RSPRY1: variants seen among roughly 807,000 people sequenced by gnomAD.
RSPRY1 encodes RING finger and SPRY domain-containing protein 1.
In RSPRY1, 23 loss-of-function variants were observed where a neutral mutation model predicts 73.1. The ratio of observed to expected loss-of-function variants is 0.31; its 90% CI spans 0.23 to 0.45. The LOEUF (loss-of-function observed/expected upper bound fraction) is 0.45, where lower values mean the gene tolerates loss of function less well. Ranked by LOEUF, RSPRY1 falls within the 20% of genes least tolerant of loss-of-function variation. RSPRY1 has a pLI of 1.00. For synonymous variants in RSPRY1, 226 were observed against 251.4 expected (o/e 0.90, Z 0.95); for missense variants, 448 against 698.7 (o/e 0.64, Z 4.05).
intron 9 of RSPRY1, among the ~76,000 whole-genome samples, 169 bp from the exon 10 acceptor site, chr16:57,221,103 T>G (rs1217608660): frequency 1.3e-5 from 2 of 152,310 alleles, no homozygotes; most frequent in East Asian, 3.9e-4. Flanking sequence ...CCAAATGCCT[T>G]ATGTAGTTTG....
intron 2 of RSPRY1, 121 bp from the exon 3 acceptor site, chr16:57,207,937 T>C (rs2074757816): frequency 1.5e-6 from 1 of 681,478 alleles, no homozygotes. Flanking sequence ...TCTATCTCTT[T>C]CCTTACATTT....
chr16:57,230,769 T>C lies in RSPRY1; in HGVS notation c.1332T>C (p.Asn444=). 1 of 1,612,570 alleles carries C rather than the reference T, an allele frequency of 6.2e-7. No homozygotes were observed. The highest frequency in any genetic ancestry group is 1.1e-5 in the South Asian group (1 of 91,050). The change falls in exon 12 of 15, where the codon AAT becomes AAC. Residue 444 remains asparagine, a synonymous_variant. Transcript: ENST00000394420. ...AAAAGCAAATGATCTTCTTTTTAAATGGCAACCAGCTGCCTCCTGAAAAGC... is the reference window on the plus strand; with the variant it reads ...AAAAGCAAATGATCTTCTTTTTAAACGGCAACCAGCTGCCTCCTGAAAAGC... The part of the protein sequence containing the change: ...LNEKQMIFFL[N]GNQLPPEKQV...
intron 10 of RSPRY1, 61 bp from the exon 11 acceptor site, chr16:57,227,279 ACT>A (rs1433482895): frequency 1.8e-6 from 2 of 1,093,298 alleles, no homozygotes; most frequent in Admixed American, 1.8e-5. Flanking sequence ...TAAAAGACAC[ACT>A]CTCTGTTCCC....
intron 4 of RSPRY1, among the ~76,000 whole-genome samples, chr16:57,209,956 G>A (rs1020478703): frequency 1.3e-5 from 2 of 152,242 alleles, no homozygotes; most frequent in African/African-American, 2.4e-5. Context: ...CATTGTAGGC[G>A]TTAGCCACTG....
At chr16:57,237,771 G>C (rs1343676850) in intron 14 of RSPRY1, among the ~76,000 whole-genome samples, 2 of 151,654 alleles carry the variant, frequency 1.3e-5, no homozygotes, top group Admixed American at 1.3e-4. Context: ...GAGTGCAGTG[G>C]CGTGATCTCA....
chr16:57,213,585 G>A (rs1293241576), intron 5 of RSPRY1, among the ~76,000 whole-genome samples: 5 of 152,278 alleles, frequency 3.3e-5, no homozygotes, highest in South Asian at 2.1e-4. Flanking sequence ...CAAAGTACAG[G>A]GGCATAGCTC....
At chr16:57,207,878 C>A (rs2074756523) in intron 2 of RSPRY1, among the ~76,000 whole-genome samples, 180 bp from the exon 3 acceptor site, 1 of 151,910 alleles carries the variant, frequency 6.6e-6, no homozygotes. Context: ...TGGAAATGAG[C>A]ACATATGGTA....
At chr16:57,228,664 T>G (rs1340723163) in intron 11 of RSPRY1, among the ~76,000 whole-genome samples, 2 of 152,192 alleles carry the variant, frequency 1.3e-5, no homozygotes, top group Non-Finnish European at 2.9e-5. Context: ...CTTGAACAGC[T>G]TTCCAGGTTA....
intron 11 of RSPRY1, among the ~76,000 whole-genome samples, chr16:57,230,063 T>A (rs1364375969): frequency 7.8e-6 from 1 of 128,628 alleles, no homozygotes; most frequent in Non-Finnish European, 1.6e-5. Context: ...CAGGCTGGAG[T>A]GCAATGGCAT....
At chr16:57,206,742 T>G (rs2146256834) in intron 2 of RSPRY1, among the ~76,000 whole-genome samples, 1 of 152,172 alleles carries the variant, frequency 6.6e-6, no homozygotes, top group Admixed American at 6.5e-5. Flanking sequence ...TTTAAAAAAG[T>G]TTTTGTAGAG....
chr16:57,230,953 A>T (rs2075209269), intron 12 of RSPRY1, 140 bp downstream of exon 12: 11 of 703,420 alleles, frequency 1.6e-5, no homozygotes, highest in Non-Finnish European at 2.6e-5. Flanking sequence ...AACCCATTTG[A>T]TCAGACCTAA....
At chr16:57,199,085 A>AT (rs2146200690) in intron 1 of RSPRY1, among the ~76,000 whole-genome samples, 1 of 152,356 alleles carries the variant, frequency 6.6e-6, no homozygotes, top group African/African-American at 2.4e-5. Flanking sequence ...CAGAGTATGA[A>AT]TTTCTGTACA....
intron 6 of RSPRY1, among the ~76,000 whole-genome samples, chr16:57,214,962 A>T (rs2146296409): frequency 6.6e-6 from 1 of 152,196 alleles, no homozygotes; most frequent in East Asian, 1.9e-4. Flanking sequence ...CAGAAGGCAG[A>T]GATTACAGTT....
At chr16:57,237,770 G>A (rs1173604852) in intron 14 of RSPRY1, among the ~76,000 whole-genome samples, 2 of 151,636 alleles carry the variant, frequency 1.3e-5, no homozygotes, top group African/African-American at 2.4e-5. Flanking sequence ...TGAGTGCAGT[G>A]GCGTGATCTC....
chr16:57,195,710 C>T (rs1212988093), intron 1 of RSPRY1, among the ~76,000 whole-genome samples: 1 of 147,276 alleles, frequency 6.8e-6, no homozygotes, highest in African/African-American at 2.5e-5. Flanking sequence ...CTAATGTTGT[C>T]TTTGAAGTTA....
chr16:57,208,017 A>G (rs1207926027), intron 2 of RSPRY1, 41 bp from the exon 3 acceptor site: 1 of 1,255,528 alleles, frequency 8.0e-7, no homozygotes, highest in Non-Finnish European at 1.1e-6. Context: ...ATTGTCATTT[A>G]TTATTTCCTC....
At chr16:57,196,093 C>T (rs1427483721) in intron 1 of RSPRY1, among the ~76,000 whole-genome samples, 1 of 149,928 alleles carries the variant, frequency 6.7e-6, no homozygotes, top group East Asian at 1.9e-4. Flanking sequence ...TCTCATCTTA[C>T]TCATTTTCTA....
intron 10 of RSPRY1, among the ~76,000 whole-genome samples, chr16:57,222,194 G>C (rs79394528): frequency 2.6e-5 from 4 of 152,084 alleles, no homozygotes; most frequent in Admixed American, 2.6e-4. Flanking sequence ...TCCTGGAATG[G>C]GTTTTAGAAG....
intron 1 of RSPRY1, among the ~76,000 whole-genome samples, chr16:57,190,499 A>G (rs573240399): frequency 1.3e-5 from 2 of 152,358 alleles, no homozygotes; most frequent in Admixed American, 1.3e-4. Flanking sequence ...ATCTATTTCA[A>G]AAGAATTATT....
Sources: gnomAD v4.1 joint callset for allele counts (sites outside exome capture counted in the v4.1 genomes callset) on GRCh38, gnomAD v4.1.1 for gene constraint, MANE v1.5 for transcripts, NCBI Gene and HGNC (gene_info 2026-07-23, HGNC 2026-07-21) for gene names.